Variants in RNGTT observed in about 807,000 individuals in gnomAD.
RNGTT encodes mRNA-capping enzyme.
In RNGTT, 33 loss-of-function variants were observed where a neutral mutation model predicts 79.3. That is an observed-to-expected ratio of 0.42 (90% CI 0.32 to 0.56). The LOEUF is 0.56. Among genes scored for constraint, RNGTT ranks in the 20% least tolerant of loss-of-function variants. The pLI, the probability that RNGTT is intolerant of heterozygous loss-of-function variation, is 0.17. For synonymous variants in RNGTT, 222 were observed against 235.9 expected (o/e 0.94, Z 0.54); for missense variants, 497 against 739.1 (o/e 0.67, Z 3.80).
chr6:88,949,258 C>CTTT lies in RNGTT; in HGVS notation c.65-8081_65-8079dup, dbSNP rs1237749319. Among the ~76,000 whole-genome samples the CTTT allele has an allele frequency of 1.9e-4, 20 of 106,268 alleles. 1 individual carries two copies. The highest frequency in any genetic ancestry group is 3.9e-4 in the African/African-American group (10 of 25,704). The allele number at this position is 106,268 out of a possible 152,430, so 69.7% of individuals were successfully genotyped here. On this transcript the variant is annotated intron_variant, in intron 1 of 15. Transcript: ENST00000369485. ...ATGATAAAAAAGCAAAATAATCAGTCTTTTTTTTTTTTTTTTTTTTTGAGA... is the reference window on the plus strand; with the variant it reads ...ATGATAAAAAAGCAAAATAATCAGTCTTTTTTTTTTTTTTTTTTTTTTTTGAGA...
intron 13 of RNGTT, among the ~76,000 whole-genome samples, chr6:88,704,041 C>A (rs532118566): frequency 6.7e-4 from 102 of 152,018 alleles, no homozygotes; most frequent in Non-Finnish European, 1.4e-3. Context: ...GGGCGGATCA[C>A]GAGGTCAGGA....
intron 12 of RNGTT, among the ~76,000 whole-genome samples, chr6:88,783,204 T>C (rs1779119783): frequency 6.6e-6 from 1 of 152,174 alleles, no homozygotes; most frequent in African/African-American, 2.4e-5. Context: ...CAGAATATTA[T>C]TCAGCCTTAC....
At chr6:88,868,599 T>C (rs918703212) in intron 8 of RNGTT, among the ~76,000 whole-genome samples, 2 of 152,226 alleles carry the variant, frequency 1.3e-5, no homozygotes, top group Admixed American at 6.5e-5. Context: ...TTAGAGTCTA[T>C]GTCATGTCAT....
intron 1 of RNGTT, among the ~76,000 whole-genome samples, chr6:88,958,233 C>T (rs1039979661): frequency 3.3e-5 from 5 of 152,152 alleles, no homozygotes; most frequent in Non-Finnish European, 5.9e-5. Flanking sequence ...GATGGATCAA[C>T]TCAAACTTAA....
chr6:88,725,997 CAA>C (rs772434799), intron 13 of RNGTT, among the ~76,000 whole-genome samples: 23 of 150,870 alleles, frequency 1.5e-4, no homozygotes, highest in Non-Finnish European at 2.2e-4. Flanking sequence ...AAGAGAAAGA[CAA>C]AGAGGAAATC....
intron 13 of RNGTT, among the ~76,000 whole-genome samples, chr6:88,709,795 A>T (rs1183030414): frequency 6.6e-6 from 1 of 152,244 alleles, no homozygotes; most frequent in Non-Finnish European, 1.5e-5. Flanking sequence ...ATTAGTGGCT[A>T]CCATATTGGA....
At chr6:88,818,055 G>T (rs1023680567) in intron 11 of RNGTT, among the ~76,000 whole-genome samples, 1 of 151,336 alleles carries the variant, frequency 6.6e-6, no homozygotes, top group African/African-American at 2.4e-5. Flanking sequence ...CACCGCGCCC[G>T]GCCTATTCAC....
intron 14 of RNGTT, among the ~76,000 whole-genome samples, chr6:88,619,013 T>C (rs1394393912): frequency 1.3e-5 from 2 of 152,206 alleles, no homozygotes; most frequent in East Asian, 3.8e-4. Flanking sequence ...GACTCATGGA[T>C]ATTTATTTTA....
intron 13 of RNGTT, among the ~76,000 whole-genome samples, chr6:88,730,174 A>G (rs1314315891): frequency 2.0e-5 from 3 of 152,196 alleles, no homozygotes; most frequent in African/African-American, 7.2e-5. Context: ...CAAATAATCA[A>G]TATGTCAATA....
intron 8 of RNGTT, among the ~76,000 whole-genome samples, chr6:88,870,536 G>A (rs888894093): frequency 2.7e-5 from 4 of 149,754 alleles, no homozygotes; most frequent in African/African-American, 9.8e-5. Context: ...AAATCCAAAT[G>A]GGATAAAAGA....
intron 8 of RNGTT, among the ~76,000 whole-genome samples, chr6:88,856,895 T>G (rs1212756822): frequency 6.6e-6 from 1 of 152,166 alleles, no homozygotes; most frequent in Non-Finnish European, 1.5e-5. Flanking sequence ...GCAATATAAT[T>G]TCTTATTAAT....
intron 12 of RNGTT, among the ~76,000 whole-genome samples, chr6:88,785,825 G>T (rs1779212477): frequency 6.6e-6 from 1 of 151,942 alleles, no homozygotes; most frequent in Non-Finnish European, 1.5e-5. Context: ...CAGTAGTAAA[G>T]ATTTAATAAA....
At chr6:88,830,104 A>G (rs1002551289) in intron 11 of RNGTT, among the ~76,000 whole-genome samples, 1 of 152,188 alleles carries the variant, frequency 6.6e-6, no homozygotes, top group Admixed American at 6.5e-5. Flanking sequence ...TCTCAGCACC[A>G]CATCACACTT....
intron 11 of RNGTT, 115 bp downstream of exon 11, chr6:88,844,242 G>C (rs549439819): frequency 1.0e-6 from 1 of 961,206 alleles, no homozygotes; most frequent in Admixed American, 2.6e-5. Flanking sequence ...TACCCAATTC[G>C]AGTATTTTCT....
At chr6:88,890,852 T>C (rs1335579214) in intron 7 of RNGTT, among the ~76,000 whole-genome samples, 3 of 152,194 alleles carry the variant, frequency 2.0e-5, no homozygotes, top group African/African-American at 7.2e-5. Context: ...TTTAAAATAT[T>C]AGTATATATG....
At chr6:88,949,159 G>GAAAAAAA in intron 1 of RNGTT, among the ~76,000 whole-genome samples, 131 of 50,516 alleles carry the variant, frequency 2.6e-3, no homozygotes, top group African/African-American at 5.3e-3. Context: ...AAAATAAAAT[G>GAAAAAAA]AAAAAAAAAA....
In RNGTT at chr6:88,649,337, TTA is replaced by T. The variant is rs548103472; in HGVS notation, c.1506+29014_1506+29015del. Among the ~76,000 whole-genome samples, 304 of 152,122 alleles carry T rather than the reference TTA, an allele frequency of 2.0e-3. 1 individual carries two copies. The highest frequency in any genetic ancestry group is 7.2e-3 in the African/African-American group (297 of 41,478). On this transcript the variant is annotated intron_variant, in intron 14 of 15. Transcript: ENST00000369485. ...GAGGGGAAAACATGATGAAAGGAATTTATGTTTGCTACAGTGGGCAACAGTTC... is the reference window on the plus strand; with the variant it reads ...GAGGGGAAAACATGATGAAAGGAATTTGTTTGCTACAGTGGGCAACAGTTC...
chr6:88,832,440 G>C (rs1003948152), intron 11 of RNGTT, among the ~76,000 whole-genome samples: 1 of 152,076 alleles, frequency 6.6e-6, no homozygotes, highest in East Asian at 1.9e-4. Flanking sequence ...AACTCAAGAT[G>C]AATTAAAGAC....
chr6:88,831,995 G>C lies in RNGTT; in HGVS notation c.1269+12362C>G, dbSNP rs555076962. Among the ~76,000 whole-genome samples, 46 of 152,224 alleles carry C rather than the reference G, an allele frequency of 3.0e-4. 1 individual carries two copies. In the East Asian group the frequency reaches 8.7e-3, roughly 29 times the overall value. ...CTCACAGATAGGAAGAATCAATATCGTGAAAATGGCCATATAGCCCAAAGT... is the reference window on the plus strand; with the variant it reads ...CTCACAGATAGGAAGAATCAATATCCTGAAAATGGCCATATAGCCCAAAGT... On this transcript the variant is annotated intron_variant, in intron 11 of 15. Transcript: ENST00000369485.
Sources: gnomAD v4.1 joint callset for allele counts (sites outside exome capture counted in the v4.1 genomes callset) on GRCh38, gnomAD v4.1.1 for gene constraint, MANE v1.5 for transcripts, NCBI Gene and HGNC (gene_info 2026-07-23, HGNC 2026-07-21) for gene names.